The following NRXN3 variants were observed in gnomAD, a reference collection of about 807,000 sequenced individuals.
NRXN3 encodes neurexin III.
Under a neutral mutation model 137.6 loss-of-function variants are expected in NRXN3, and 32 were observed. The ratio of observed to expected loss-of-function variants is 0.23; its 90% confidence interval spans 0.18 to 0.31. NRXN3 has a LOEUF of 0.31. Among genes scored for constraint, NRXN3 ranks in the 10% least tolerant of loss-of-function variants. The probability of loss-of-function intolerance (pLI) is 1.00; values close to 1 mark genes in which losing one functional copy is unlikely to be tolerated. For missense variants in NRXN3, 1,574 were observed against 2,062.5 expected (o/e 0.76, Z 4.59); for synonymous variants, 798 against 784.5 (o/e 1.02, Z -0.29).
At chr14:79,854,286 T>C in intron 20 of NRXN3, 1 of 335,908 alleles carries the variant, frequency 3.0e-6, no homozygotes, top group Non-Finnish European at 4.2e-6. Context: ...TGGAAATGAT[T>C]TCTTTTTTTC....
intron 15 of NRXN3, among the ~76,000 whole-genome samples, chr14:79,205,021 G>A (rs900987009): frequency 6.6e-6 from 1 of 152,088 alleles, no homozygotes; most frequent in Non-Finnish European, 1.5e-5. Flanking sequence ...AAATATTTAG[G>A]CATTGTAGAT....
chr14:79,780,549 C>T (rs2099110476), intron 19 of NRXN3, among the ~76,000 whole-genome samples: 1 of 152,078 alleles, frequency 6.6e-6, no homozygotes, highest in African/African-American at 2.4e-5. Context: ...GCGGAGCTTG[C>T]AGTGAGTCGA....
intron 4 of NRXN3, among the ~76,000 whole-genome samples, chr14:78,396,842 G>A (rs1267190557): frequency 1.3e-5 from 2 of 152,098 alleles, no homozygotes; most frequent in African/African-American, 2.4e-5. Context: ...GAGGTGGCTT[G>A]AACAATAGAA....
intron 15 of NRXN3, among the ~76,000 whole-genome samples, chr14:79,300,942 T>C (rs1206708856): frequency 6.6e-6 from 1 of 152,050 alleles, no homozygotes; most frequent in Non-Finnish European, 1.5e-5. Context: ...AGAAGAGCAT[T>C]ACTTCAGATT....
intron 19 of NRXN3, among the ~76,000 whole-genome samples, chr14:79,705,044 C>T (rs78265281): frequency 0.01 from 1,527 of 152,108 alleles, 21 homozygotes; most frequent in African/African-American, 0.035. Flanking sequence ...TGAGGGCAGA[C>T]GAAGTGTGAA....
chr14:79,630,116 G>A (rs1486383809), intron 16 of NRXN3, among the ~76,000 whole-genome samples: 9 of 152,076 alleles, frequency 5.9e-5, no homozygotes, highest in Non-Finnish European at 1.2e-4. Context: ...GGGGCTCTTC[G>A]GAAAAAGATT....
intron 16 of NRXN3, among the ~76,000 whole-genome samples, chr14:79,509,375 G>A (rs568918975): frequency 1.3e-5 from 2 of 152,048 alleles, no homozygotes; most frequent in African/African-American, 2.4e-5. Context: ...TATTAGCCAG[G>A]CATCATGGCG....
chr14:79,293,936 A>G (rs1418107037), intron 15 of NRXN3, among the ~76,000 whole-genome samples: 1 of 152,260 alleles, frequency 6.6e-6, no homozygotes, highest in Non-Finnish European at 1.5e-5. Context: ...ATTGAAGTAT[A>G]AATCAGTCAA....
chr14:79,220,229 CAG>C (rs1216021545), intron 15 of NRXN3, among the ~76,000 whole-genome samples: 1 of 152,190 alleles, frequency 6.6e-6, no homozygotes, highest in Non-Finnish European at 1.5e-5. Context: ...ACTTTGAAAA[CAG>C]AGGCTTCCTA....
intron 15 of NRXN3, among the ~76,000 whole-genome samples, chr14:79,081,081 G>A (rs922943560): frequency 6.6e-6 from 1 of 152,126 alleles, no homozygotes; most frequent in Admixed American, 6.5e-5. Context: ...ATTGTGCTAA[G>A]TATTTTGCGT....
At chr14:79,357,911 C>T (rs562175815) in intron 15 of NRXN3, among the ~76,000 whole-genome samples, 1 of 152,216 alleles carries the variant, frequency 6.6e-6, no homozygotes, top group East Asian at 1.9e-4. Flanking sequence ...TCCTCTGTTC[C>T]TTGCTCCTTC....
chr14:78,835,235 T>TCAGCTCTGCTGATGA lies in NRXN3; in HGVS notation c.2275+24902_2275+24916dup. Among the ~76,000 whole-genome samples the TCAGCTCTGCTGATGA allele has an allele frequency of 2.0e-5, 3 of 152,202 alleles. No homozygotes were observed. The South Asian group carries it at 6.2e-4, about 32-fold the overall frequency. ...CAGTTAAGATGGTTCCAAAAATAGC[T>TCAGCTCTGCTGATGA]CAGCTCTGCTGATGACAGCTCTGCT... is the stretch of plus-strand genomic sequence containing the variant. On this transcript the variant is annotated intron_variant, in intron 10 of 20. Transcript: ENST00000335750.
intron 10 of NRXN3, among the ~76,000 whole-genome samples, chr14:78,877,626 T>C (rs2099116965): frequency 6.6e-6 from 1 of 152,208 alleles, no homozygotes; most frequent in Non-Finnish European, 1.5e-5. Flanking sequence ...AACAAATATT[T>C]GATTAATGAA....
chr14:78,282,676 C>T (rs1320290883), intron 3 of NRXN3, among the ~76,000 whole-genome samples: 1 of 152,162 alleles, frequency 6.6e-6, no homozygotes, highest in Non-Finnish European at 1.5e-5. Flanking sequence ...GGAGCCTTCC[C>T]CTACCCGCTC....
chr14:78,990,397 C>T (rs1306348477), intron 15 of NRXN3, among the ~76,000 whole-genome samples: 1 of 110,314 alleles, frequency 9.1e-6, no homozygotes, highest in African/African-American at 3.7e-5. Flanking sequence ...GAGACGGAGT[C>T]TCATTCTGCT....
chr14:79,682,942 A>AT (rs1488885761), intron 17 of NRXN3, among the ~76,000 whole-genome samples: 2 of 152,158 alleles, frequency 1.3e-5, no homozygotes, highest in Non-Finnish European at 2.9e-5. Context: ...TAGCAAAAGA[A>AT]TTTCCTTCAG....
At chr14:79,023,866 A>G (rs1336770882) in intron 15 of NRXN3, among the ~76,000 whole-genome samples, 1 of 152,120 alleles carries the variant, frequency 6.6e-6, no homozygotes, top group Non-Finnish European at 1.5e-5. Context: ...TGAGATTTGG[A>G]TGGGGATGCA....
intron 8 of NRXN3, among the ~76,000 whole-genome samples, chr14:78,733,815 G>A (rs1186554155): frequency 5.3e-5 from 8 of 152,278 alleles, no homozygotes; most frequent in Middle Eastern, 3.4e-3. Context: ...AGTATTTATT[G>A]AGACCGTATT....
At chr14:78,461,557 A>C (rs1815210146) in intron 4 of NRXN3, among the ~76,000 whole-genome samples, 1 of 152,188 alleles carries the variant, frequency 6.6e-6, no homozygotes, top group South Asian at 2.1e-4. Flanking sequence ...TAATTCTGGT[A>C]ATGGGACATT....
Sources: allele counts gnomAD v4.1 joint callset (sites outside exome capture counted in the v4.1 genomes callset), GRCh38; gene constraint gnomAD v4.1.1; transcripts MANE v1.5; gene names NCBI Gene and HGNC (gene_info 2026-07-23, HGNC 2026-07-21).